Variants in LHFPL3 observed in about 807,000 individuals in gnomAD.
LHFPL3 encodes LHFPL tetraspan subfamily member 3 protein.
Under a neutral mutation model 19.3 loss-of-function variants are expected in LHFPL3, and 5 were observed. The observed-to-expected ratio is 0.26, with a 90% CI of 0.14 to 0.54. The LOEUF (loss-of-function observed/expected upper bound fraction) is 0.54. Among genes scored for constraint, LHFPL3 ranks in the 20% least tolerant of loss-of-function variants. The pLI, the probability that LHFPL3 is intolerant of heterozygous loss-of-function variation, is 0.94. For missense variants in LHFPL3, 249 were observed against 307.4 expected (o/e 0.81, Z 1.42); for synonymous variants, 133 against 126.2 (o/e 1.05, Z -0.36).
At chr7:104,668,652 G>T in intron 1 of LHFPL3, 2 of 1,612,172 alleles carry the variant, frequency 1.2e-6, no homozygotes, top group Non-Finnish European at 1.7e-6. Context: ...TGACAGACGG[G>T]ATGATCGGTC....
intron 1 of LHFPL3, among the ~76,000 whole-genome samples, chr7:104,414,356 A>T (rs1791583863): frequency 6.6e-6 from 1 of 152,228 alleles, no homozygotes; most frequent in Non-Finnish European, 1.5e-5. Flanking sequence ...TCCCTAGCAG[A>T]GCAATTTCTT....
intron 1 of LHFPL3, among the ~76,000 whole-genome samples, chr7:104,623,982 G>A (rs923823194): frequency 1.2e-4 from 19 of 152,312 alleles, no homozygotes; most frequent in Admixed American, 5.9e-4. Flanking sequence ...ACAAAGGTAA[G>A]TAACTGAAAC....
chr7:104,509,728 G>A (rs1793774242), intron 1 of LHFPL3, among the ~76,000 whole-genome samples: 1 of 151,980 alleles, frequency 6.6e-6, no homozygotes, highest in South Asian at 2.1e-4. Flanking sequence ...GCCAGAAGCT[G>A]TAACTGGTAC....
chr7:104,479,651 C>G (rs1040508890), intron 1 of LHFPL3, among the ~76,000 whole-genome samples: 3 of 152,168 alleles, frequency 2.0e-5, no homozygotes, highest in Non-Finnish European at 2.9e-5. Flanking sequence ...CTCGGCTTCC[C>G]AAAGTACTGG....
chr7:104,378,323 C>T (rs1024935097), intron 1 of LHFPL3, among the ~76,000 whole-genome samples: 2 of 152,238 alleles, frequency 1.3e-5, no homozygotes, highest in Admixed American at 6.5e-5. Flanking sequence ...GTGTATGTAG[C>T]GTTAAGCTTT....
chr7:104,470,106 G>A (rs1486105709), intron 1 of LHFPL3: 1 of 455,172 alleles, frequency 2.2e-6, no homozygotes, highest in Non-Finnish European at 4.4e-6. Flanking sequence ...TGAACCAGCT[G>A]AGAGACAGTG....
At chr7:104,767,945 G>A (rs1450774547) in intron 2 of LHFPL3, among the ~76,000 whole-genome samples, 1 of 152,076 alleles carries the variant, frequency 6.6e-6, no homozygotes, top group Non-Finnish European at 1.5e-5. Flanking sequence ...TTGCCTAAAA[G>A]CAAATATTTC....
intron 1 of LHFPL3, among the ~76,000 whole-genome samples, chr7:104,657,856 A>G (rs1792147881): frequency 6.6e-6 from 1 of 152,240 alleles, no homozygotes; most frequent in Non-Finnish European, 1.5e-5. Flanking sequence ...CTGCTCTAAC[A>G]ATAGTAAATC....
intron 1 of LHFPL3, among the ~76,000 whole-genome samples, chr7:104,535,726 A>C (rs1794377725): frequency 6.6e-6 from 1 of 152,216 alleles, no homozygotes; most frequent in African/African-American, 2.4e-5. Context: ...TTTGAGAGTT[A>C]AGGAACCTGG....
chr7:104,815,148 C>T (rs907680515), intron 2 of LHFPL3, among the ~76,000 whole-genome samples: 2 of 152,200 alleles, frequency 1.3e-5, no homozygotes, highest in African/African-American at 4.8e-5. Flanking sequence ...GCTTCCACAG[C>T]TACAGAGCCA....
intron 1 of LHFPL3, among the ~76,000 whole-genome samples, chr7:104,658,566 C>T (rs1471226462): frequency 2.0e-5 from 3 of 152,102 alleles, no homozygotes; most frequent in South Asian, 2.1e-4. Context: ...TTTGGGAGGC[C>T]GAGGCAGGTG....
intron 2 of LHFPL3, among the ~76,000 whole-genome samples, chr7:104,854,637 T>A (rs2116622591): frequency 6.6e-6 from 1 of 152,328 alleles, no homozygotes; most frequent in East Asian, 1.9e-4. Flanking sequence ...ATATTACAAA[T>A]GATTTAGGTC....
At chr7:104,882,365 A>G (rs1398560562) in intron 2 of LHFPL3, among the ~76,000 whole-genome samples, 4 of 152,172 alleles carry the variant, frequency 2.6e-5, no homozygotes, top group Non-Finnish European at 5.9e-5. Flanking sequence ...CTCCCGCCTC[A>G]GCCTCCCAAG....
intron 1 of LHFPL3, among the ~76,000 whole-genome samples, chr7:104,616,583 A>C (rs182409580): frequency 1.9e-3 from 295 of 152,330 alleles, no homozygotes; most frequent in Admixed American, 2.3e-3. Flanking sequence ...CATGGGAAAG[A>C]CTTCATGACT....
intron 2 of LHFPL3, among the ~76,000 whole-genome samples, chr7:104,788,100 A>C (rs1789955467): frequency 6.6e-6 from 1 of 152,150 alleles, no homozygotes. Flanking sequence ...GAAGAATAGA[A>C]ACCATTTATT....
At chr7:104,514,581 T>C (rs976532486) in intron 1 of LHFPL3, among the ~76,000 whole-genome samples, 4 of 152,224 alleles carry the variant, frequency 2.6e-5, no homozygotes, top group Admixed American at 2.0e-4. Context: ...TAAAAAGCAG[T>C]TGGCTGGGAA....
intron 1 of LHFPL3, among the ~76,000 whole-genome samples, chr7:104,523,054 CATATACACATAT>C (rs1332656071): frequency 6.6e-6 from 1 of 150,816 alleles, no homozygotes; most frequent in Admixed American, 6.7e-5. Context: ...ATTATATATA[CATATACACATAT>C]ATATACACAT....
At chr7:104,794,205 C>T (rs529499629) in intron 2 of LHFPL3, among the ~76,000 whole-genome samples, 5 of 152,306 alleles carry the variant, frequency 3.3e-5, no homozygotes, top group African/African-American at 1.2e-4. Flanking sequence ...TTGAGGAGGT[C>T]ACTTGAACCC....
Position 104,455,093 on chromosome 7 carries a change from G to A in LHFPL3, c.445+125869G>A, listed in dbSNP as rs186746779. ...CTTTATAGTTTCATTTAATCTTGAT[G>A]CACAAATTAGGTATGGATTGCAACT... On this transcript the variant is annotated intron_variant, in intron 1 of 2. Transcript: ENST00000424859. 4.4e-3 allele frequency among the ~76,000 whole-genome samples: 676 copies of A among 152,242 alleles called. 2 individuals are homozygous for A. Among genetic ancestry groups the A allele is most frequent in the Non-Finnish European group, 7.4e-3 (500 of 68,008 alleles).
Sources: gnomAD v4.1 joint callset for allele counts (sites outside exome capture counted in the v4.1 genomes callset) on GRCh38, gnomAD v4.1.1 for gene constraint, MANE v1.5 for transcripts, NCBI Gene and HGNC (gene_info 2026-07-23, HGNC 2026-07-21) for gene names.